The following JADE1 variants were observed in gnomAD, a reference collection of about 807,000 sequenced individuals.
JADE1 encodes protein Jade-1.
A neutral mutation model predicts 81.8 loss-of-function variants in JADE1; 14 were observed. The ratio of observed to expected loss-of-function variants is 0.17; its 90% CI spans 0.11 to 0.27. The LOEUF (loss-of-function observed/expected upper bound fraction) is 0.27. JADE1 is among the 10% of genes least tolerant of loss of function. The pLI is 1.00. For missense variants in JADE1, 690 were observed against 1,047.9 expected (o/e 0.66, Z 4.71); for synonymous variants, 353 against 391.9 (o/e 0.90, Z 1.17).
intron 8 of JADE1, among the ~76,000 whole-genome samples, chr4:128,860,315 T>C (rs1037712040): frequency 6.6e-6 from 1 of 152,170 alleles, no homozygotes; most frequent in Admixed American, 6.5e-5. Flanking sequence ...GAAGTGTTTG[T>C]AAGGGTGGAA....
chr4:128,837,994 A>G (rs1729120143), intron 2 of JADE1, among the ~76,000 whole-genome samples: 1 of 152,184 alleles, frequency 6.6e-6, no homozygotes. Flanking sequence ...TGTGTGCAGT[A>G]TGTGTTAGAT....
Position 128,871,317 on chromosome 4 carries a change from G to A in JADE1, c.1622-38G>A. The stretch of plus-strand genomic sequence containing the variant: ...ATTTTATTCTTTTGGATTTGCTTCT[G>A]CTGTAATTTTTCTTTATTTGTGGTT... On this transcript the variant is annotated intron_variant, in intron 10 of 10. Coordinates refer to ENST00000226319, the MANE Select transcript of JADE1 (RefSeq NM_199320.4). The surrounding 1 kb of genome is among the most constrained non-coding windows in gnomAD (Gnocchi z 4.1). The A allele has an allele frequency of 3.2e-6, 5 of 1,566,528 alleles. No homozygotes were observed. Among genetic ancestry groups the A allele is most frequent in the African/African-American group, 1.4e-5 (1 of 73,094 alleles).
At chr4:128,817,466 G>A (rs944835149) in intron 1 of JADE1, among the ~76,000 whole-genome samples, 1 of 152,140 alleles carries the variant, frequency 6.6e-6, no homozygotes, top group Admixed American at 6.5e-5. Flanking sequence ...AGTGGTGTGG[G>A]TCCACACTGA....
chr4:128,828,947 G>A (rs1229152023), intron 1 of JADE1, among the ~76,000 whole-genome samples: 1 of 152,164 alleles, frequency 6.6e-6, no homozygotes, highest in African/African-American at 2.4e-5. Flanking sequence ...GACCAGCCTA[G>A]TACTAATTTT....
At position 128,863,488 on chromosome 4, in the gene JADE1, G is replaced by A. The variant is rs897523402; in HGVS notation, c.1503+1263G>A. 14 of 985,382 alleles carry A rather than the reference G, an allele frequency of 1.4e-5. No homozygotes were observed. The Admixed American group carries it at 1.8e-4, about 13-fold the overall frequency. 61.0% of individuals were successfully genotyped at this position (985,382 alleles called of 1,614,324 possible). A position where few individuals can be genotyped will look rare whatever the true frequency, so the allele number is the denominator to read the frequency against. On this transcript the variant is annotated intron_variant, in intron 9 of 10. Coordinates refer to ENST00000226319, the MANE Select transcript of JADE1 (RefSeq NM_199320.4). ...CCTGCATGGCCCTGTTAGAGATGGC[G>A]TAGAAGTGAAAGTCTTAAAGGGAGC...
At chr4:128,863,880 T>G in intron 9 of JADE1, 1 of 985,478 alleles carries the variant, frequency 1.0e-6, no homozygotes, top group Non-Finnish European at 1.2e-6. Flanking sequence ...TTGTTTGGAC[T>G]GTGTTTGTCT....
intron 1 of JADE1, among the ~76,000 whole-genome samples, chr4:128,813,948 T>A (rs1726746236): frequency 6.6e-6 from 1 of 152,042 alleles, no homozygotes; most frequent in Non-Finnish European, 1.5e-5. Flanking sequence ...TGAACTTGAT[T>A]CCACCTTTAA....
At chr4:128,867,479 G>A (rs1262733617) in intron 9 of JADE1, among the ~76,000 whole-genome samples, 1 of 152,228 alleles carries the variant, frequency 6.6e-6, no homozygotes, top group African/African-American at 2.4e-5. Context: ...AGATATTGAT[G>A]CAATAATTAG....
rs536022736 is a variant in JADE1 at position 128,847,694 on chromosome 4, T to G, written c.296+1162T>G. On this transcript the variant is annotated intron_variant, in intron 4 of 10. Transcript: ENST00000226319. ...TGAGCATTAATACAGCTTGTGGAAG[T>G]TTTACAAGCTGTATTAAAGTTGGAG... Among the ~76,000 whole-genome samples, 4 of 152,262 alleles carry G rather than the reference T, an allele frequency of 2.6e-5. No homozygotes were observed. In the South Asian group the frequency reaches 8.3e-4, roughly 32 times the overall value.
chr4:128,863,530 A>G (rs1731540219), intron 9 of JADE1: 1 of 985,388 alleles, frequency 1.0e-6, no homozygotes, highest in Non-Finnish European at 1.2e-6. Flanking sequence ...GATCCTTTTA[A>G]TACACGACTG....
At chr4:128,864,784 C>A in intron 9 of JADE1, 2 of 198,126 alleles carry the variant, frequency 1.0e-5, no homozygotes, top group Non-Finnish European at 1.8e-5. Flanking sequence ...GAAATGCAGA[C>A]AACTGAGTAA....
chr4:128,828,607 A>AT lies in JADE1; in HGVS notation c.-26-3121dup, dbSNP rs1728265051. ...TGGATTTCATTAGAAAGAAAATACT[A>AT]TTTTTACTCTTCTTTTACTTGAATA... On this transcript the variant is annotated intron_variant, in intron 1 of 10. Coordinates refer to ENST00000226319, the MANE Select transcript of JADE1 (RefSeq NM_199320.4). 2.0e-5 allele frequency among the ~76,000 whole-genome samples: 3 copies of AT among 152,054 alleles called. No homozygotes were observed. The South Asian group carries it at 6.2e-4, about 32-fold the overall frequency.
intron 9 of JADE1, chr4:128,863,125 C>G (rs1172324209): frequency 2.0e-6 from 2 of 985,560 alleles, no homozygotes; most frequent in Non-Finnish European, 2.4e-6. Context: ...CTGTTTGCTG[C>G]TTTTGTGCCT....
In JADE1 at chr4:128,872,485, T is replaced by A; in HGVS notation, c.*223T>A. On this transcript the variant is annotated 3_prime_UTR_variant, in exon 11 of 11. Coordinates refer to ENST00000226319, the MANE Select transcript of JADE1 (RefSeq NM_199320.4). The stretch of plus-strand genomic sequence containing the variant: ...GAAACAGAAGAGTAGATTGTAACCA[T>A]AAGACACTGCTAAGACTAGAACCCG... The A allele has an allele frequency of 1.9e-6, 1 of 529,320 alleles. No individual in the cohort carries two copies. The highest frequency in any genetic ancestry group is 2.6e-5 in the South Asian group (1 of 37,950). 32.8% of individuals were successfully genotyped at this position (529,320 alleles called of 1,614,324 possible).
chr4:128,868,045 A>G, intron 10 of JADE1, 72 bp downstream of exon 10: 1 of 714,020 alleles, frequency 1.4e-6, no homozygotes, highest in Non-Finnish European at 2.4e-6. Context: ...TGAGGAAGAA[A>G]TAATCATTTC....
chr4:128,862,777 TGTCATGGA>T (rs1439589616), intron 9 of JADE1: 19 of 1,004,200 alleles, frequency 1.9e-5, no homozygotes, highest in Non-Finnish European at 2.3e-5. Flanking sequence ...TTCCCAGTAC[TGTCATGGA>T]GCAGAGCAGG....
intron 2 of JADE1, among the ~76,000 whole-genome samples, chr4:128,835,045 A>G (rs181177191): frequency 3.3e-5 from 5 of 152,214 alleles, no homozygotes; most frequent in African/African-American, 1.2e-4. Context: ...GAGTGTCCAC[A>G]GTCCCCACCA....
chr4:128,846,687 A>G lies in JADE1; in HGVS notation c.296+155A>G, dbSNP rs1006098309. On this transcript the variant is annotated intron_variant, in intron 4 of 10. Coordinates refer to ENST00000226319, the MANE Select transcript of JADE1 (RefSeq NM_199320.4). This position sits in a 1 kb window ranked among gnomAD's most constrained non-coding sequence, Gnocchi z 4.0. ...CCTCAAGTGGAAATAGAAATTCAGG[A>G]GCAACATACTTCAGGCATACAGGGT... is the stretch of plus-strand genomic sequence containing the variant. Among the ~76,000 whole-genome samples the G allele has an allele frequency of 6.6e-6, 1 of 152,194 alleles. No individual in the cohort carries two copies. Among genetic ancestry groups the G allele is most frequent in the African/African-American group, 2.4e-5 (1 of 41,442 alleles).
rs1409357932 is a variant in JADE1 at position 128,871,494 on chromosome 4, G to T, written c.1761G>T (p.Leu587Phe). ...AFFRKQMGTS[L>F]VHSLKKPHKR... ...TCAGAAAACAAATGGGTACTTCCTT[G>T]GTTCATTCGCTGAAAAAGCCCCATA... The change falls in exon 11 of 11, where the codon TTG (leucine) becomes TTT (phenylalanine). Residue 587 changes from leucine (L) to phenylalanine (F), a missense_variant. Leu to Phe is a conservative substitution (Grantham distance 22). This residue lies in a region of JADE1 where 86 missense variants were observed against 95.4 expected (regional missense o/e 0.90). Transcript: ENST00000226319. The surrounding 1 kb of genome is among the most constrained non-coding windows in gnomAD (Gnocchi z 4.1). 1.9e-6 allele frequency: 3 copies of T among 1,614,152 alleles called. No individual in the cohort carries two copies. The highest frequency in any genetic ancestry group is 1.7e-6 in the Non-Finnish European group (2 of 1,180,020).
Sources: gnomAD v4.1 joint callset for allele counts (sites outside exome capture counted in the v4.1 genomes callset) on GRCh38, gnomAD v4.1.1 for gene constraint, gnomAD v4.1.1 regional missense constraint, Gnocchi (gnomAD v3.1) non-coding constraint, MANE v1.5 for transcripts, NCBI Gene and HGNC (gene_info 2026-07-23, HGNC 2026-07-21) for gene names.